Variants in MYO5A observed in about 807,000 individuals in gnomAD.
MYO5A encodes unconventional myosin-Va.
Under a neutral mutation model 249.7 loss-of-function variants are expected in MYO5A, and 98 were observed. That is an observed-to-expected ratio of 0.39 (90% CI 0.33 to 0.46). The LOEUF is 0.46. MYO5A is among the 20% of genes least tolerant of loss of function. The probability of loss-of-function intolerance (pLI) is 0.98; values close to 1 mark genes in which losing one functional copy is unlikely to be tolerated. For missense variants in MYO5A, 1,696 were observed against 2,308.8 expected, an observed-to-expected ratio of 0.73 and a Z score of 5.44; for synonymous variants, 778 against 810.6, an observed-to-expected ratio of 0.96 and a Z score of 0.68.
intron 3 of MYO5A, among the ~76,000 whole-genome samples, chr15:52,426,872 G>A (rs1035041015): frequency 1.3e-5 from 2 of 151,806 alleles, no homozygotes; most frequent in African/African-American, 4.8e-5. Context: ...AGATTAAATT[G>A]TAATAAGGAA....
At position 52,370,320 on chromosome 15, in the gene MYO5A, T is replaced by C. The variant is rs748997085; in HGVS notation, c.2915A>G (p.Gln972Arg). 7.4e-6 allele frequency: 12 copies of C among 1,614,198 alleles called. No homozygotes were observed. The highest frequency in any genetic ancestry group is 1.0e-5 in the Non-Finnish European group (12 of 1,180,024). ...AACTTTCGCTTCCTCTTCACTTAGT[T>C]GAAGACGTTCTAAGTCACTTCGTAG... is the stretch of plus-strand genomic sequence containing the variant. ...EKLRSDLERL[Q>R]LSEEEAKVAT... is the part of the protein sequence containing the mutation. The change falls in exon 22 of 42, where the codon CAA (glutamine) becomes CGA (arginine). Residue 972 changes from glutamine to arginine, a missense_variant. Physicochemically the swap from Gln to Arg is conservative, Grantham distance 43. This residue lies in a region of MYO5A where 412 missense variants were observed against 453.3 expected (regional missense o/e 0.91). Coordinates refer to ENST00000399233, the MANE Select transcript of MYO5A (RefSeq NM_001382347.1).
chr15:52,407,146 T>C lies in MYO5A; in HGVS notation c.946+146A>G, dbSNP rs1019936152. 5.9e-6 allele frequency: 4 copies of C among 674,820 alleles called. No homozygotes were observed. The Admixed American group carries it at 6.8e-5, about 12-fold the overall frequency. 41.8% of individuals were successfully genotyped at this position (674,820 alleles called of 1,614,324 possible). ...TCCCAAAAAGAAATCTCCTGCCCATTTGCTGTCTAAATGTGTTCTATGTGG... is the reference window on the plus strand; with the variant it reads ...TCCCAAAAAGAAATCTCCTGCCCATCTGCTGTCTAAATGTGTTCTATGTGG... On this transcript the variant is annotated intron_variant, in intron 8 of 41. Transcript: ENST00000399233.
intron 1 of MYO5A, among the ~76,000 whole-genome samples, chr15:52,473,794 G>A (rs1203186331): frequency 6.6e-6 from 1 of 152,152 alleles, no homozygotes; most frequent in African/African-American, 2.4e-5. Context: ...GGTTACTGTA[G>A]CCTTGTAGTA....
intron 41 of MYO5A, 121 bp downstream of exon 41, chr15:52,314,002 A>T: frequency 2.3e-6 from 3 of 1,291,360 alleles, no homozygotes; most frequent in Non-Finnish European, 3.3e-6. Flanking sequence ...ACTATTATCA[A>T]AAAAGTTAGT....
intron 18 of MYO5A, among the ~76,000 whole-genome samples, 162 bp downstream of exon 18, chr15:52,379,463 C>A (rs1454283544): frequency 6.6e-6 from 1 of 152,192 alleles, no homozygotes; most frequent in African/African-American, 2.4e-5. Context: ...GGACTATCAT[C>A]CTCGCTAGTT....
intron 31 of MYO5A, among the ~76,000 whole-genome samples, chr15:52,342,262 G>C (rs1409532548): frequency 6.6e-6 from 1 of 152,108 alleles, no homozygotes; most frequent in East Asian, 1.9e-4. Context: ...AGGAGGCTGA[G>C]GCAGGAGGAT....
At chr15:52,375,187 G>A in intron 20 of MYO5A, 117 bp downstream of exon 20, 10 of 1,011,404 alleles carry the variant, frequency 9.9e-6, no homozygotes, top group Non-Finnish European at 1.5e-5. Flanking sequence ...CATTTCAATA[G>A]CTGGTTGTCC....
At chr15:52,348,919 C>A in intron 28 of MYO5A, 93 bp from the exon 29 acceptor site, 1 of 1,336,000 alleles carries the variant, frequency 7.5e-7, no homozygotes. Flanking sequence ...CCTATTATAA[C>A]AGATAAAAGC....
Position 52,322,442 on chromosome 15 carries a change from G to T in MYO5A, c.4800+913C>A, listed in dbSNP as rs115126852. ...GGGTCATGGGCCCTCAGCGGTGCCAGACCCAGGATCCCAGCTCTGCTCCTT... is the reference window on the plus strand; with the variant it reads ...GGGTCATGGGCCCTCAGCGGTGCCATACCCAGGATCCCAGCTCTGCTCCTT... On this transcript the variant is annotated intron_variant, in intron 37 of 41. Coordinates refer to ENST00000399233, the MANE Select transcript of MYO5A (RefSeq NM_001382347.1). 6.6e-3 allele frequency among the ~76,000 whole-genome samples: 999 copies of T among 152,356 alleles called. 16 individuals carry two copies. The highest frequency in any genetic ancestry group is 0.023 in the African/African-American group (949 of 41,586).
rs768661263 is a variant in MYO5A at position 52,317,120 on chromosome 15, C to T, written c.5337G>A (p.Leu1779=). 3.7e-6 allele frequency: 6 copies of T among 1,613,976 alleles called. No homozygotes were observed. The highest frequency in any genetic ancestry group is 4.2e-6 in the Non-Finnish European group (5 of 1,180,004). ...CATCATCTGTTTTCTTTTTCACTTG[C>T]AAAAGTTGAGCAGCCTGAATGAGAG... ...LEPLIQAAQL[L]QVKKKTDDDA... Residue 1779 remains leucine, a synonymous_variant, in exon 40 of 42, where the codon TTG becomes TTA. Coordinates refer to ENST00000399233, the MANE Select transcript of MYO5A (RefSeq NM_001382347.1).
In MYO5A at chr15:52,340,343, G is replaced by A. The variant is rs781406210; in HGVS notation, c.4092C>T (p.Ala1364=). Residue 1364 remains alanine (A), a synonymous_variant, in exon 32 of 42, where the codon GCC becomes GCT. Transcript: ENST00000399233. ...QSQKRSHENE[A]EALRGEIQSL... ...TCTGGATCTCCCCACGGAGGGCCTCGGCCTCATTCTCATGGCTCCTCTTCT... is the reference window on the plus strand; with the variant it reads ...TCTGGATCTCCCCACGGAGGGCCTCAGCCTCATTCTCATGGCTCCTCTTCT... 103 of 1,613,726 alleles carry A rather than the reference G, an allele frequency of 6.4e-5. No homozygotes were observed. The highest frequency in any genetic ancestry group is 8.1e-5 in the Non-Finnish European group (95 of 1,180,034).
intron 32 of MYO5A, among the ~76,000 whole-genome samples, 198 bp from the exon 33 acceptor site, chr15:52,338,082 T>C (rs528732842): frequency 1.1e-4 from 17 of 152,318 alleles, no homozygotes; most frequent in Middle Eastern, 3.4e-3. Context: ...TGTACAGATG[T>C]TTCTTGTGTG....
intron 1 of MYO5A, among the ~76,000 whole-genome samples, chr15:52,462,348 C>T (rs957233321): frequency 4.0e-5 from 6 of 151,558 alleles, no homozygotes; most frequent in Non-Finnish European, 7.4e-5. Context: ...ACAGGTTAGG[C>T]GAATAATACA....
intron 25 of MYO5A, among the ~76,000 whole-genome samples, chr15:52,356,887 A>G (rs2141036779): frequency 7.0e-6 from 1 of 143,240 alleles, no homozygotes; most frequent in Admixed American, 7.2e-5. Flanking sequence ...GTTAAGTGTT[A>G]TTCCAATTCA....
At chr15:52,504,177 G>A (rs1318833440) in intron 1 of MYO5A, among the ~76,000 whole-genome samples, 1 of 150,530 alleles carries the variant, frequency 6.6e-6, no homozygotes, top group Non-Finnish European at 1.5e-5. Flanking sequence ...TTAGAAAACT[G>A]ATATGTTTCT....
chr15:52,418,914 TTAC>T (rs1182699945), intron 4 of MYO5A, among the ~76,000 whole-genome samples: 1 of 152,222 alleles, frequency 6.6e-6, no homozygotes, highest in African/African-American at 2.4e-5. Context: ...CTTTCGAATT[TTAC>T]CCTTTAAAAT....
chr15:52,377,638 T>G (rs377356493), intron 18 of MYO5A, among the ~76,000 whole-genome samples: 32 of 149,488 alleles, frequency 2.1e-4, no homozygotes, highest in African/African-American at 7.3e-4. Flanking sequence ...TGCTGTAATC[T>G]CGGCTCACTG....
chr15:52,380,826 T>G (rs571394945), intron 16 of MYO5A, among the ~76,000 whole-genome samples: 1 of 152,298 alleles, frequency 6.6e-6, no homozygotes, highest in East Asian at 1.9e-4. Context: ...TTTCATGGCA[T>G]GGCCTGACAA....
At chr15:52,476,614 C>A (rs2076600408) in intron 1 of MYO5A, among the ~76,000 whole-genome samples, 1 of 152,158 alleles carries the variant, frequency 6.6e-6, no homozygotes, top group South Asian at 2.1e-4. Context: ...TCAGCATTTG[C>A]TTGTCTGTAA....
Sources: allele counts gnomAD v4.1 joint callset (sites outside exome capture counted in the v4.1 genomes callset), GRCh38; gene constraint gnomAD v4.1.1; regional missense constraint gnomAD v4.1.1; transcripts MANE v1.5; gene names NCBI Gene and HGNC (gene_info 2026-07-23, HGNC 2026-07-21).